Variants in LRP1B observed in about 807,000 individuals in gnomAD.
LRP1B encodes the protein low-density lipoprotein receptor-related protein 1B.
LRP1B carries 217 observed loss-of-function variants against 556.6 expected under a neutral mutation model. The ratio of observed to expected loss-of-function variants is 0.39; its 90% CI spans 0.35 to 0.44. LRP1B has a LOEUF of 0.44. Ranked by LOEUF, LRP1B falls within the 20% of genes least tolerant of loss-of-function variation. The probability of loss-of-function intolerance (pLI) is 1.00; values close to 1 mark genes in which losing one functional copy is unlikely to be tolerated. For missense variants in LRP1B, 5,053 were observed against 5,620.8 expected (o/e 0.90, Z 3.23); for synonymous variants, 2,047 against 1,865.8 (o/e 1.10, Z -2.50).
At chr2:141,813,241 G>A (rs562355982) in intron 1 of LRP1B, among the ~76,000 whole-genome samples, 12 of 152,088 alleles carry the variant, frequency 7.9e-5, no homozygotes, top group Non-Finnish European at 1.3e-4. Flanking sequence ...AAACAAAACC[G>A]ATGAACCAAT....
At chr2:140,237,146 C>T (rs946692786) in intron 89 of LRP1B, among the ~76,000 whole-genome samples, 4 of 150,804 alleles carry the variant, frequency 2.7e-5, no homozygotes, top group South Asian at 2.1e-4. Flanking sequence ...ACTTTGTACC[C>T]ATTGAACAAC....
At chr2:141,253,777 C>T (rs947926417) in intron 4 of LRP1B, among the ~76,000 whole-genome samples, 2 of 151,964 alleles carry the variant, frequency 1.3e-5, no homozygotes, top group African/African-American at 4.8e-5. Context: ...AATACACACA[C>T]ACACACTCAC....
At chr2:141,325,750 C>T (rs1687407750) in intron 3 of LRP1B, among the ~76,000 whole-genome samples, 1 of 151,898 alleles carries the variant, frequency 6.6e-6, no homozygotes. Context: ...ATTGAGTTGG[C>T]CTTTAAGGAT....
chr2:140,831,040 A>T (rs1691697296), intron 31 of LRP1B, among the ~76,000 whole-genome samples: 1 of 152,122 alleles, frequency 6.6e-6, no homozygotes, highest in Non-Finnish European at 1.5e-5. Flanking sequence ...TAAACTACTG[A>T]TGAAAGAAAT....
intron 42 of LRP1B, 55 bp downstream of exon 42, chr2:140,601,395 G>T: frequency 7.9e-7 from 1 of 1,270,814 alleles, no homozygotes; most frequent in Non-Finnish European, 1.1e-6. Context: ...ACAGAACTCT[G>T]ATATTCTTTT....
intron 57 of LRP1B, among the ~76,000 whole-genome samples, chr2:140,488,636 T>G (rs202016560): frequency 1.3e-5 from 2 of 152,150 alleles, no homozygotes; most frequent in East Asian, 3.9e-4. Flanking sequence ...AGATTATACA[T>G]TTACTACCTT....
intron 83 of LRP1B, 54 bp downstream of exon 83, chr2:140,314,881 A>G: frequency 7.4e-7 from 1 of 1,353,466 alleles, no homozygotes; most frequent in Non-Finnish European, 1.0e-6. Context: ...TTTTCGATTC[A>G]TATATAAGGA....
chr2:141,528,806 T>C (rs1244397229), intron 2 of LRP1B, among the ~76,000 whole-genome samples: 1 of 152,168 alleles, frequency 6.6e-6, no homozygotes, highest in African/African-American at 2.4e-5. Context: ...CTCAGTTTTA[T>C]AAGAAAAACT....
intron 2 of LRP1B, among the ~76,000 whole-genome samples, chr2:141,563,602 T>G (rs1265683152): frequency 6.6e-6 from 1 of 152,026 alleles, no homozygotes; most frequent in Non-Finnish European, 1.5e-5. Flanking sequence ...GTTGTAAAAC[T>G]ATGTAGTATC....
chr2:140,977,190 G>A (rs570444204), intron 18 of LRP1B, among the ~76,000 whole-genome samples: 1 of 152,242 alleles, frequency 6.6e-6, no homozygotes, highest in South Asian at 2.1e-4. Context: ...AAACATGGGG[G>A]CAGGTCTTTG....
chr2:141,363,151 T>C (rs892575264), intron 3 of LRP1B, among the ~76,000 whole-genome samples: 4 of 152,220 alleles, frequency 2.6e-5, no homozygotes, highest in African/African-American at 9.6e-5. Flanking sequence ...TTTTCTGATA[T>C]ATGACATACT....
At chr2:141,407,198 G>T (rs181624958) in intron 3 of LRP1B, among the ~76,000 whole-genome samples, 1 of 152,168 alleles carries the variant, frequency 6.6e-6, no homozygotes, top group African/African-American at 2.4e-5. Context: ...TTTTGAGATT[G>T]AAATGCTCCC....
chr2:141,599,512 A>G lies in LRP1B; in HGVS notation c.206-118979T>C, dbSNP rs190909579. 3.0e-3 allele frequency among the ~76,000 whole-genome samples: 449 copies of G among 152,198 alleles called. 3 individuals are homozygous for G. Among genetic ancestry groups the G allele is most frequent in the African/African-American group, 0.01 (434 of 41,538 alleles). ...TTTATTTAAAATTAACTATCATATA[A>G]AACTTTAGGGTAACCATGGCTGGAA... On this transcript the variant is annotated intron_variant, in intron 2 of 90. Coordinates refer to ENST00000389484, the MANE Select transcript of LRP1B (RefSeq NM_018557.3).
intron 24 of LRP1B, 33 bp from the exon 25 acceptor site, chr2:140,884,054 A>C: frequency 6.3e-7 from 1 of 1,589,802 alleles, no homozygotes; most frequent in Non-Finnish European, 8.6e-7. Flanking sequence ...ATGTGCACCC[A>C]TTCAAGGATT....
intron 7 of LRP1B, among the ~76,000 whole-genome samples, chr2:141,170,701 T>C (rs895885842): frequency 4.6e-5 from 7 of 152,100 alleles, no homozygotes; most frequent in African/African-American, 1.4e-4. Flanking sequence ...CCTTGAATTA[T>C]ATCCCTGTGG....
intron 43 of LRP1B, among the ~76,000 whole-genome samples, chr2:140,576,047 G>T (rs1681513192): frequency 6.6e-6 from 1 of 152,136 alleles, no homozygotes. Flanking sequence ...CTTTTGAAAT[G>T]CAGTCCACAT....
intron 7 of LRP1B, among the ~76,000 whole-genome samples, chr2:141,067,170 A>G (rs1242368713): frequency 1.3e-5 from 2 of 152,018 alleles, no homozygotes; most frequent in Non-Finnish European, 2.9e-5. Flanking sequence ...TCCACATTAT[A>G]TAGAGTAATT....
chr2:141,833,497 G>T (rs1003047269), intron 1 of LRP1B, among the ~76,000 whole-genome samples: 2 of 151,766 alleles, frequency 1.3e-5, no homozygotes, highest in South Asian at 4.1e-4. Context: ...ATATTTCAGA[G>T]TAAAACAGTG....
chr2:141,052,548 TA>T (rs1344522929), intron 10 of LRP1B, among the ~76,000 whole-genome samples: 2 of 152,062 alleles, frequency 1.3e-5, no homozygotes. Flanking sequence ...TTAATTTCCT[TA>T]ATCAAAAGTA....
Sources: gnomAD v4.1 joint callset for allele counts (sites outside exome capture counted in the v4.1 genomes callset) on GRCh38, gnomAD v4.1.1 for gene constraint, MANE v1.5 for transcripts, NCBI Gene and HGNC (gene_info 2026-07-23, HGNC 2026-07-21) for gene names.